The following SYT9 variants were observed in gnomAD, a reference collection of about 807,000 sequenced individuals.
SYT9 encodes synaptotagmin 9, also known as synaptotagmin-9.
SYT9 carries 22 observed loss-of-function variants against 48.4 expected under a neutral mutation model. That is an observed-to-expected ratio of 0.45 (90% CI 0.32 to 0.65). SYT9 has a LOEUF of 0.65. SYT9 is among the 30% of genes least tolerant of loss of function. The probability of loss-of-function intolerance (pLI) is 0.03; values close to 1 mark genes in which losing one functional copy is unlikely to be tolerated. For synonymous variants in SYT9, 265 were observed against 245.0 expected, an observed-to-expected ratio of 1.08 and a Z score of -0.76; for missense variants, 577 against 622.0, an observed-to-expected ratio of 0.93 and a Z score of 0.77.
chr11:7,251,133 C>CACACACACACACACA (rs1589885491), upstream of SYT9, among the ~76,000 whole-genome samples: 3 of 132,200 alleles, frequency 2.3e-5, no homozygotes, highest in Admixed American at 7.1e-5. Flanking sequence ...CACACACACA[C>CACACACACACACACA]CCAGAGTACT....
intron 6 of SYT9, among the ~76,000 whole-genome samples, chr11:7,451,352 G>A (rs1399273164): frequency 6.6e-6 from 1 of 152,154 alleles, no homozygotes; most frequent in Non-Finnish European, 1.5e-5. Flanking sequence ...GTTGCATTCT[G>A]TTAAGACTAA....
At chr11:7,333,656 G>C (rs1009609092) in intron 3 of SYT9, among the ~76,000 whole-genome samples, 7 of 152,162 alleles carry the variant, frequency 4.6e-5, no homozygotes, top group Non-Finnish European at 8.8e-5. Context: ...AATAGCTATA[G>C]GACAAGTACA....
At chr11:7,334,748 C>T (rs766940318) in intron 3 of SYT9, among the ~76,000 whole-genome samples, 6 of 137,884 alleles carry the variant, frequency 4.4e-5, no homozygotes, top group East Asian at 2.4e-4. Flanking sequence ...GAAGGTACTC[C>T]GCTTTTACTT....
At chr11:7,248,179 T>A (rs550151309), upstream of SYT9, among the ~76,000 whole-genome samples, 1 of 152,206 alleles carries the variant, frequency 6.6e-6, no homozygotes, top group Non-Finnish European at 1.5e-5. Flanking sequence ...ATTGTTTGTT[T>A]TTTTCGTGTT....
At chr11:7,397,998 A>C (rs1211954629) in intron 3 of SYT9, among the ~76,000 whole-genome samples, 1 of 152,182 alleles carries the variant, frequency 6.6e-6, no homozygotes, top group Non-Finnish European at 1.5e-5. Flanking sequence ...TGAAACTTCC[A>C]GTACAATATT....
In SYT9 at chr11:7,303,242, G is replaced by C. The variant is rs1325893840; in HGVS notation, c.349G>C (p.Asp117His). The C allele has an allele frequency of 7.4e-6, 12 of 1,614,076 alleles. No individual in the cohort carries two copies. Among genetic ancestry groups the C allele is most frequent in the Non-Finnish European group, 1.0e-5 (12 of 1,180,014 alleles). The change falls in exon 2 of 7, where the codon GAT becomes CAT. Residue 117 changes from aspartate (D) to histidine (H), a missense_variant. By Grantham distance (81) the Asp-to-His change is moderately conservative (BLOSUM62 -1). Coordinates refer to ENST00000318881, the MANE Select transcript of SYT9 (RefSeq NM_175733.4). ...GCAGGAGAACAGTGAGGACTTCCTA[G>C]ATCCTCCCACGCCCTGCCCTGACTC... ...NEQENSEDFL[D>H]PPTPCPDSSM...
chr11:7,335,683 AT>A (rs564901180), intron 3 of SYT9, among the ~76,000 whole-genome samples: 28 of 152,004 alleles, frequency 1.8e-4, no homozygotes, highest in Non-Finnish European at 3.8e-4. Flanking sequence ...TCCATGGAAT[AT>A]TTTTTATGGC....
intron 6 of SYT9, among the ~76,000 whole-genome samples, chr11:7,450,614 C>T (rs1590039884): frequency 6.6e-6 from 1 of 152,242 alleles, no homozygotes; most frequent in East Asian, 1.9e-4. Flanking sequence ...GTTCCTCCAT[C>T]TCTGCCTGTT....
chr11:7,261,483 A>T (rs1848078539), intron 1 of SYT9, among the ~76,000 whole-genome samples: 1 of 152,184 alleles, frequency 6.6e-6, no homozygotes, highest in South Asian at 2.1e-4. Flanking sequence ...TACAGTAGGG[A>T]ATGAAACAGA....
chr11:7,304,475 A>T (rs1240632924), intron 2 of SYT9, among the ~76,000 whole-genome samples: 1 of 152,220 alleles, frequency 6.6e-6, no homozygotes, highest in African/African-American at 2.4e-5. Flanking sequence ...CACAATTTGG[A>T]GGTATTTTTT....
chr11:7,246,421 A>G (rs903771732), intron 1 of SYT9, among the ~76,000 whole-genome samples: 8 of 152,238 alleles, frequency 5.3e-5, no homozygotes, highest in Non-Finnish European at 1.2e-4. Flanking sequence ...TTTCTGAATC[A>G]TAGAAGAATA....
intron 1 of SYT9, among the ~76,000 whole-genome samples, chr11:7,261,639 C>T (rs938636454): frequency 7.9e-5 from 12 of 152,012 alleles, no homozygotes; most frequent in African/African-American, 2.9e-4. Flanking sequence ...AAACTGGCAC[C>T]ACTGAGAAGT....
At chr11:7,432,460 T>C (rs1279369384) in intron 6 of SYT9, among the ~76,000 whole-genome samples, 2 of 146,060 alleles carry the variant, frequency 1.4e-5, no homozygotes, top group Admixed American at 1.4e-4. Flanking sequence ...GGCAGGAGAA[T>C]AGCTTGAACG....
chr11:7,442,684 G>A (rs538087274), intron 6 of SYT9, among the ~76,000 whole-genome samples: 41 of 152,190 alleles, frequency 2.7e-4, no homozygotes, highest in Non-Finnish European at 5.6e-4. Flanking sequence ...ATACTCACAT[G>A]GGTAATGGGT....
intron 3 of SYT9, among the ~76,000 whole-genome samples, chr11:7,381,219 C>A (rs1850556924): frequency 1.3e-5 from 2 of 152,130 alleles, no homozygotes; most frequent in African/African-American, 4.8e-5. Context: ...ACTGTGCCTA[C>A]AACAGCTCCC....
In SYT9 at chr11:7,303,358, G is replaced by T. The variant is rs1367459073; in HGVS notation, c.465G>T (p.Gln155His). ...QENCAHGVRV[Q>H]RQVTEPTSSA... ...ACTGTGCCCATGGCGTCCGCGTGCA[G>T]CGCCAAGTCACAGAGCCAACCTCGT... Residue 155 changes from glutamine (Q) to histidine (H), a missense_variant, in exon 2 of 7, where the codon CAG becomes CAT. Physicochemically the swap from Gln to His is conservative, Grantham distance 24 (BLOSUM62 0). Coordinates refer to ENST00000318881, the MANE Select transcript of SYT9 (RefSeq NM_175733.4). 6.2e-7 allele frequency: 1 copy of T among 1,611,752 alleles called. No individual in the cohort carries two copies. The highest frequency in any genetic ancestry group is 1.1e-5 in the South Asian group (1 of 91,024).
intron 1 of SYT9, 35 bp from the exon 2 acceptor site, chr11:7,303,004 G>T: frequency 1.3e-6 from 2 of 1,589,690 alleles, no homozygotes; most frequent in South Asian, 2.2e-5. Flanking sequence ...TGAGGGGAAT[G>T]ACCACACTGA....
chr11:7,439,754 A>C (rs1332410770), intron 6 of SYT9: 1 of 152,290 alleles, frequency 6.6e-6, no homozygotes, highest in Non-Finnish European at 1.5e-5. Flanking sequence ...CCTCCCCTGC[A>C]TGCATGTACA....
At chr11:7,340,556 A>G (rs10430870) in intron 3 of SYT9, among the ~76,000 whole-genome samples, 34,766 of 152,134 alleles carry the variant, frequency 0.23, 5,063 homozygotes, top group East Asian at 0.57. Context: ...TTATTGTGCT[A>G]GAGTCTGAGA....
Sources: allele counts gnomAD v4.1 joint callset (sites outside exome capture counted in the v4.1 genomes callset), GRCh38; gene constraint gnomAD v4.1.1; transcripts MANE v1.5; gene names NCBI Gene and HGNC (gene_info 2026-07-23, HGNC 2026-07-21).